Variants in FRYL observed in about 807,000 individuals in gnomAD.
FRYL encodes the protein FRY like transcription coactivator, also known as protein furry homolog-like.
FRYL carries 150 observed loss-of-function variants against 351.2 expected under a neutral mutation model. The observed-to-expected ratio is 0.43, with a 90% CI of 0.37 to 0.49. The LOEUF is 0.49. Among genes scored for constraint, FRYL ranks in the 20% least tolerant of loss-of-function variants. FRYL has a pLI of 0.00. For synonymous variants in FRYL, 1,153 were observed against 1,257.1 expected, an observed-to-expected ratio of 0.92 and a Z score of 1.75; for missense variants, 3,036 against 3,619.3, an observed-to-expected ratio of 0.84 and a Z score of 4.13.
intron 31 of FRYL, 59 bp from the exon 32 acceptor site, chr4:48,563,047 T>C: frequency 5.6e-6 from 6 of 1,070,288 alleles, no homozygotes; most frequent in Non-Finnish European, 8.5e-6. Flanking sequence ...TTGCACCATT[T>C]AATAAATATG....
intron 2 of FRYL, among the ~76,000 whole-genome samples, chr4:48,696,630 C>A (rs1766190551): frequency 6.6e-6 from 1 of 152,002 alleles, no homozygotes; most frequent in African/African-American, 2.4e-5. Flanking sequence ...ACCATTATGG[C>A]ACACGTATAC....
intron 1 of FRYL, among the ~76,000 whole-genome samples, chr4:48,776,772 A>G (rs1282544679): frequency 1.3e-5 from 2 of 152,224 alleles, no homozygotes; most frequent in East Asian, 3.8e-4. Context: ...AATATTTTAT[A>G]CATAAAAATA....
intron 62 of FRYL, 115 bp downstream of exon 62, chr4:48,501,506 AAG>A (rs1435992673): frequency 1.5e-6 from 1 of 674,366 alleles, no homozygotes; most frequent in Admixed American, 2.7e-5. Context: ...CCTTAACTAA[AAG>A]AAAAAAGACT....
chr4:48,644,994 GA>G lies in FRYL; in HGVS notation c.-80-10505del, dbSNP rs1756102043. On this transcript the variant is annotated intron_variant, in intron 3 of 63. Transcript: ENST00000358350. Reference sequence around the variant, plus strand: ...AATAAGAAAAAGACAACACAATAAAGAAAAGGTGCCAAAAGATATACATAAG... The same window carrying G: ...AATAAGAAAAAGACAACACAATAAAGAAAGGTGCCAAAAGATATACATAAG... Among the ~76,000 whole-genome samples the G allele has an allele frequency of 2.0e-5, 3 of 150,500 alleles. No individual in the cohort carries two copies. In the South Asian group the frequency reaches 6.3e-4, roughly 32 times the overall value.
chr4:48,641,570 C>T (rs1284754655), intron 3 of FRYL, among the ~76,000 whole-genome samples: 2 of 151,992 alleles, frequency 1.3e-5, no homozygotes, highest in Non-Finnish European at 2.9e-5. Context: ...ACGACTGGCT[C>T]GTAGGAATTA....
At chr4:48,591,822 C>T (rs1440164499) in intron 16 of FRYL, among the ~76,000 whole-genome samples, 2 of 152,054 alleles carry the variant, frequency 1.3e-5, no homozygotes, top group Non-Finnish European at 2.9e-5. Flanking sequence ...CCCTCAGACC[C>T]ATCTGACATC....
chr4:48,569,285 A>C (rs1438956167), intron 27 of FRYL, among the ~76,000 whole-genome samples: 1 of 152,186 alleles, frequency 6.6e-6, no homozygotes, highest in South Asian at 2.1e-4. Context: ...GGAGGAAAGA[A>C]AAGAGAATAG....
chr4:48,734,348 C>A (rs1771056075), intron 1 of FRYL, among the ~76,000 whole-genome samples: 1 of 152,040 alleles, frequency 6.6e-6, no homozygotes, highest in Admixed American at 6.6e-5. Flanking sequence ...GGCCAATTAT[C>A]CAAAAAGACA....
intron 1 of FRYL, among the ~76,000 whole-genome samples, chr4:48,777,864 T>G (rs1019884416): frequency 1.3e-4 from 20 of 152,168 alleles, no homozygotes; most frequent in African/African-American, 4.8e-4. Flanking sequence ...GAAGAAATAT[T>G]AGGTGAAACA....
At chr4:48,517,802 G>T (rs555872143) in intron 55 of FRYL, among the ~76,000 whole-genome samples, 1 of 152,286 alleles carries the variant, frequency 6.6e-6, no homozygotes, top group South Asian at 2.1e-4. Context: ...TTTAAGGGAA[G>T]AAATTCAAAT....
chr4:48,524,475 C>T (rs1362312373), intron 53 of FRYL, among the ~76,000 whole-genome samples: 2 of 152,120 alleles, frequency 1.3e-5, no homozygotes, highest in Non-Finnish European at 2.9e-5. Context: ...AATGAATATG[C>T]ACTGTGGGCT....
intron 4 of FRYL, among the ~76,000 whole-genome samples, chr4:48,631,724 A>AG (rs986921371): frequency 8.6e-5 from 13 of 151,772 alleles, no homozygotes; most frequent in South Asian, 2.1e-4. Flanking sequence ...CATTTAGCTT[A>AG]GGGGGGGATG....
chr4:48,640,739 ACT>A (rs780296755), intron 3 of FRYL, among the ~76,000 whole-genome samples: 2 of 152,076 alleles, frequency 1.3e-5, no homozygotes, highest in Admixed American at 6.6e-5. Flanking sequence ...GTATGCGAGA[ACT>A]CTCTACTTTC....
chr4:48,767,265 G>A (rs761416705), intron 1 of FRYL, among the ~76,000 whole-genome samples: 2 of 152,012 alleles, frequency 1.3e-5, no homozygotes, highest in Non-Finnish European at 2.9e-5. Flanking sequence ...AGGGAAGGGG[G>A]ATGTGCTACA....
rs751047928 is a variant in FRYL at position 48,567,569 on chromosome 4, T to C, written c.2997-149A>G. The C allele has an allele frequency of 1.4e-5, 8 of 577,130 alleles. No homozygotes were observed. In the East Asian group the frequency reaches 1.5e-4, roughly 11 times the overall value. The allele number at this position is 577,130 out of a possible 1,614,324, so 35.8% of individuals were successfully genotyped here. ...TTAATATATGAAAATTAAATGAATA[T>C]GATTTTGCTTACTTTAATATGAAAA... On this transcript the variant is annotated intron_variant, in intron 27 of 63. Coordinates refer to ENST00000358350, the MANE Select transcript of FRYL (RefSeq NM_015030.2). The surrounding 1 kb of genome is among the most constrained non-coding windows in gnomAD (Gnocchi z 4.2).
chr4:48,663,601 C>T (rs1761196395), intron 3 of FRYL, among the ~76,000 whole-genome samples: 1 of 150,792 alleles, frequency 6.6e-6, no homozygotes, highest in Admixed American at 6.6e-5. Flanking sequence ...CGGTGAAACC[C>T]CGTCTCTACT....
intron 15 of FRYL, among the ~76,000 whole-genome samples, chr4:48,594,614 G>A (rs746878413): frequency 7.2e-5 from 11 of 152,076 alleles, no homozygotes; most frequent in African/African-American, 2.4e-4. Context: ...TATACTTATC[G>A]AATTACCATT....
In FRYL at chr4:48,581,406, T is replaced by C; in HGVS notation, c.2172+14A>G. The C allele has an allele frequency of 6.3e-7, 1 of 1,593,674 alleles. No individual in the cohort carries two copies. The highest frequency in any genetic ancestry group is 8.5e-7 in the Non-Finnish European group (1 of 1,169,766). ...ACTTTCAATAGATAACTGAATGAAATACCTAAATCTTACCTTAGGTATTTC... is the reference window on the plus strand; with the variant it reads ...ACTTTCAATAGATAACTGAATGAAACACCTAAATCTTACCTTAGGTATTTC... On this transcript the variant is annotated intron_variant, in intron 21 of 63. Coordinates refer to ENST00000358350, the MANE Select transcript of FRYL (RefSeq NM_015030.2).
chr4:48,510,787 TG>T, intron 58 of FRYL, 47 bp downstream of exon 58: 1 of 1,410,510 alleles, frequency 7.1e-7, no homozygotes, highest in South Asian at 1.2e-5. Context: ...TACTGAATGA[TG>T]CCATTCCAAT....
Sources: gnomAD v4.1 joint callset for allele counts (sites outside exome capture counted in the v4.1 genomes callset) on GRCh38, gnomAD v4.1.1 for gene constraint, Gnocchi (gnomAD v3.1) non-coding constraint, MANE v1.5 for transcripts, NCBI Gene and HGNC (gene_info 2026-07-23, HGNC 2026-07-21) for gene names.